Variants in NPFFR2 observed in about 807,000 individuals in gnomAD.
NPFFR2 encodes G-protein coupled receptor 74.
A neutral mutation model predicts 13.1 loss-of-function variants in NPFFR2; 15 were observed. The observed-to-expected ratio is 1.15, with a 90% CI of 0.77 to 1.76. The LOEUF is 1.76. Among genes scored for constraint, NPFFR2 ranks in the 40% most tolerant of loss-of-function variants. The probability of loss-of-function intolerance (pLI) is 0.00; values close to 1 mark genes in which losing one functional copy is unlikely to be tolerated. For missense variants in NPFFR2, 572 were observed against 503.5 expected, an observed-to-expected ratio of 1.14 and a Z score of -1.30; for synonymous variants, 190 against 175.7, an observed-to-expected ratio of 1.08 and a Z score of -0.65.
intron 1 of NPFFR2, among the ~76,000 whole-genome samples, chr4:72,096,567 C>T (rs866735380): frequency 6.6e-6 from 1 of 151,978 alleles, no homozygotes; most frequent in Non-Finnish European, 1.5e-5. Context: ...AATTAAAATT[C>T]TTTTCGAGCA....
intron 1 of NPFFR2, among the ~76,000 whole-genome samples, chr4:72,033,713 A>G (rs1358518465): frequency 6.6e-6 from 1 of 152,180 alleles, no homozygotes; most frequent in African/African-American, 2.4e-5. Flanking sequence ...CTAAAATTAT[A>G]TATTAGAAAT....
chr4:72,038,905 CTTTTTTTT>C (rs1158358179), intron 1 of NPFFR2, among the ~76,000 whole-genome samples: 94 of 84,756 alleles, frequency 1.1e-3, no homozygotes, highest in African/African-American at 4.2e-3. Context: ...AATTTCCTTT[CTTTTTTTT>C]TTTTTTTTTT....
intron 1 of NPFFR2, among the ~76,000 whole-genome samples, chr4:72,102,232 A>G (rs1721271340): frequency 6.6e-6 from 1 of 152,118 alleles, no homozygotes. Context: ...TGTTGGTGGA[A>G]AAACTTAAAT....
chr4:72,102,750 T>G (rs1273447843), intron 1 of NPFFR2, among the ~76,000 whole-genome samples: 1 of 152,064 alleles, frequency 6.6e-6, no homozygotes, highest in African/African-American at 2.4e-5. Flanking sequence ...ATGTGCCACA[T>G]TTTCTTAATC....
intron 1 of NPFFR2, among the ~76,000 whole-genome samples, chr4:72,098,467 T>C (rs1314247702): frequency 6.6e-6 from 1 of 152,116 alleles, no homozygotes; most frequent in Admixed American, 6.6e-5. Flanking sequence ...TATGAGTTTT[T>C]TTTGTCATTT....
intron 1 of NPFFR2, among the ~76,000 whole-genome samples, chr4:72,093,158 C>T (rs1443547693): frequency 6.6e-6 from 1 of 152,126 alleles, no homozygotes; most frequent in African/African-American, 2.4e-5. Flanking sequence ...AAAATAGGAC[C>T]CCAACCCTTT....
intron 1 of NPFFR2, among the ~76,000 whole-genome samples, chr4:72,101,465 T>A (rs1425984363): frequency 6.6e-6 from 1 of 151,272 alleles, no homozygotes; most frequent in Non-Finnish European, 1.5e-5. Context: ...ATAAAATATT[T>A]AAATAAAATA....
intron 3 of NPFFR2, 143 bp from the exon 4 acceptor site, chr4:72,146,835 G>C (rs1393502313): frequency 3.2e-6 from 2 of 627,846 alleles, no homozygotes; most frequent in Non-Finnish European, 5.6e-6. Flanking sequence ...GACAATGCAT[G>C]CCTTTCTACT....
chr4:72,039,077 G>A (rs921618273), intron 1 of NPFFR2: 3 of 129,660 alleles, frequency 2.3e-5, no homozygotes, highest in African/African-American at 5.9e-5. Context: ...TTTGTTTTTT[G>A]AGACGGAGTC....
At chr4:72,034,855 G>A (rs1049106395) in intron 1 of NPFFR2, among the ~76,000 whole-genome samples, 1 of 152,156 alleles carries the variant, frequency 6.6e-6, no homozygotes, top group African/African-American at 2.4e-5. Context: ...AGATGCAATG[G>A]TCCCTATAGC....
At chr4:72,069,005 G>GA (rs1343195702) in intron 1 of NPFFR2, 29 of 1,321,962 alleles carry the variant, frequency 2.2e-5, no homozygotes, top group Non-Finnish European at 2.5e-5. Context: ...AGTGAAGCAT[G>GA]TAGATCAGTG....
At chr4:72,069,740 T>G (rs1296550503) in intron 1 of NPFFR2, among the ~76,000 whole-genome samples, 1 of 152,116 alleles carries the variant, frequency 6.6e-6, no homozygotes, top group African/African-American at 2.4e-5. Flanking sequence ...ATTGGAAATA[T>G]GAATAGGAAA....
At chr4:72,104,331 A>G (rs1721352834) in intron 1 of NPFFR2, among the ~76,000 whole-genome samples, 1 of 152,030 alleles carries the variant, frequency 6.6e-6, no homozygotes, top group African/African-American at 2.4e-5. Context: ...CAGGCATGGG[A>G]CTTTGCCTCA....
At chr4:72,120,091 G>C (rs1721825110) in intron 1 of NPFFR2, among the ~76,000 whole-genome samples, 1 of 152,134 alleles carries the variant, frequency 6.6e-6, no homozygotes, top group Admixed American at 6.5e-5. Flanking sequence ...CAGCTTAGTG[G>C]GGGGAGGGAC....
intron 1 of NPFFR2, among the ~76,000 whole-genome samples, chr4:72,067,736 T>G: frequency 6.6e-6 from 1 of 152,236 alleles, no homozygotes; most frequent in East Asian, 1.9e-4. Context: ...TCATTGCTTT[T>G]AAGTTCTGCC....
intron 1 of NPFFR2, among the ~76,000 whole-genome samples, chr4:72,119,630 G>A (rs1346301136): frequency 1.3e-5 from 2 of 152,164 alleles, no homozygotes; most frequent in South Asian, 2.1e-4. Flanking sequence ...CACGGAGGGT[G>A]AGCTGAAGCA....
At chr4:72,125,718 T>A (rs1219716161) in intron 1 of NPFFR2, among the ~76,000 whole-genome samples, 2 of 152,226 alleles carry the variant, frequency 1.3e-5, no homozygotes, top group African/African-American at 2.4e-5. Flanking sequence ...ATCAAGTTGG[T>A]CTCACCTGGA....
intron 3 of NPFFR2, among the ~76,000 whole-genome samples, chr4:72,143,176 GGAACAAGGCAGGT>G (rs1341741187): frequency 1.3e-5 from 2 of 152,128 alleles, no homozygotes; most frequent in African/African-American, 4.8e-5. Flanking sequence ...TAGTTCAGCT[GGAACAAGGCAGGT>G]GAAGTGGTAC....
intron 1 of NPFFR2, among the ~76,000 whole-genome samples, chr4:72,058,223 A>G (rs1407797560): frequency 1.3e-5 from 2 of 151,964 alleles, no homozygotes; most frequent in African/African-American, 2.4e-5. Flanking sequence ...GCACAGGGAC[A>G]TTATTTCAAT....
Sources: allele counts gnomAD v4.1 joint callset (sites outside exome capture counted in the v4.1 genomes callset), GRCh38; gene constraint gnomAD v4.1.1; transcripts MANE v1.5; gene names NCBI Gene and HGNC (gene_info 2026-07-23, HGNC 2026-07-21).